The following TMEM117 variants were observed in gnomAD, a reference collection of about 807,000 sequenced individuals.
The protein encoded by TMEM117 is transmembrane protein 117.
In TMEM117, 27 loss-of-function variants were observed where a neutral mutation model predicts 52.4. The observed-to-expected ratio is 0.51, with a 90% CI of 0.38 to 0.71. TMEM117 has a LOEUF of 0.71. TMEM117 is among the 30% of genes least tolerant of loss of function. The pLI, the probability that TMEM117 is intolerant of heterozygous loss-of-function variation, is 0.00. For missense variants in TMEM117, 556 were observed against 630.5 expected (o/e 0.88, Z 1.26); for synonymous variants, 215 against 206.3 (o/e 1.04, Z -0.36).
intron 4 of TMEM117, among the ~76,000 whole-genome samples, chr12:44,165,826 AAATC>A (rs1292372478): frequency 6.6e-6 from 1 of 152,204 alleles, no homozygotes; most frequent in Non-Finnish European, 1.5e-5. Flanking sequence ...TCTAGACAGA[AAATC>A]AACAAAGAAA....
intron 2 of TMEM117, among the ~76,000 whole-genome samples, chr12:43,852,299 T>C (rs1039661150): frequency 5.9e-5 from 9 of 152,050 alleles, no homozygotes; most frequent in Non-Finnish European, 1.3e-4. Flanking sequence ...GGCGTGTTGG[T>C]GGGCGCCTGT....
At chr12:43,896,983 C>T (rs1463430949) in intron 2 of TMEM117, among the ~76,000 whole-genome samples, 3 of 152,170 alleles carry the variant, frequency 2.0e-5, no homozygotes, top group African/African-American at 7.2e-5. Flanking sequence ...ATCATATAAA[C>T]TTCGAGAGAA....
chr12:43,841,638 A>T (rs1258488523), intron 1 of TMEM117, among the ~76,000 whole-genome samples: 1 of 152,232 alleles, frequency 6.6e-6, no homozygotes, highest in Non-Finnish European at 1.5e-5. Flanking sequence ...AGTATGTGCT[A>T]GCCTCCAAAA....
upstream of TMEM117, among the ~76,000 whole-genome samples, chr12:43,835,457 T>C (rs1943011010): frequency 6.6e-6 from 1 of 152,000 alleles, no homozygotes; most frequent in Non-Finnish European, 1.5e-5. Flanking sequence ...TCTATGTGTG[T>C]ATGAATGTGT....
At chr12:44,130,230 A>C (rs1240346384) in intron 3 of TMEM117, among the ~76,000 whole-genome samples, 2 of 152,158 alleles carry the variant, frequency 1.3e-5, no homozygotes, top group Non-Finnish European at 2.9e-5. Context: ...GGTATATCTT[A>C]ATTATTGTGG....
intron 3 of TMEM117, among the ~76,000 whole-genome samples, chr12:44,007,575 C>T (rs6582495): frequency 6.6e-6 from 1 of 152,006 alleles, no homozygotes; most frequent in South Asian, 2.1e-4. Flanking sequence ...ACTTCTAGTG[C>T]ATGCCTGAAA....
Position 44,230,740 on chromosome 12 carries a change from T to C in TMEM117, c.608+19353T>C, listed in dbSNP as rs186015585. On this transcript the variant is annotated intron_variant, in intron 5 of 7. Coordinates refer to ENST00000266534, the MANE Select transcript of TMEM117 (RefSeq NM_032256.3). ...TAATAGAATCTCAAAGCTGATATTA[T>C]GCGTCTTTTTTCTTGGGCCTTTAGC... Among the ~76,000 whole-genome samples the C allele has an allele frequency of 2.6e-5, 4 of 152,176 alleles. No homozygotes were observed. In the East Asian group the frequency reaches 7.7e-4, roughly 29 times the overall value.
chr12:43,865,038 C>T (rs1675782), intron 2 of TMEM117, among the ~76,000 whole-genome samples: 109,712 of 151,924 alleles, frequency 0.72, 43,028 homozygotes, highest in East Asian at 0.93. Context: ...GGCAGCGAGA[C>T]TACGAACCCA....
chr12:43,832,150 T>C (rs1332168984), upstream of TMEM117, among the ~76,000 whole-genome samples: 1 of 152,216 alleles, frequency 6.6e-6, no homozygotes, highest in African/African-American at 2.4e-5. Flanking sequence ...CTTCTATCTG[T>C]ACCCTTTGAA....
intron 3 of TMEM117, among the ~76,000 whole-genome samples, chr12:44,091,769 A>G (rs1287745960): frequency 6.6e-6 from 1 of 152,194 alleles, no homozygotes; most frequent in African/African-American, 2.4e-5. Context: ...CCCAAGGGAA[A>G]CTGGAGTGTA....
At chr12:44,240,522 A>C (rs1950048715) in intron 5 of TMEM117, among the ~76,000 whole-genome samples, 1 of 152,064 alleles carries the variant, frequency 6.6e-6, no homozygotes, top group Non-Finnish European at 1.5e-5. Flanking sequence ...CTTATCTCCC[A>C]GTTACCCACG....
intron 5 of TMEM117, among the ~76,000 whole-genome samples, chr12:44,282,503 T>C (rs952208914): frequency 6.6e-6 from 1 of 152,160 alleles, no homozygotes; most frequent in African/African-American, 2.4e-5. Context: ...GTGACTCTTG[T>C]TATGTTTTAG....
At chr12:43,932,054 ATGTT>A (rs1389754086) in intron 2 of TMEM117, among the ~76,000 whole-genome samples, 2 of 152,054 alleles carry the variant, frequency 1.3e-5, no homozygotes, top group African/African-American at 4.8e-5. Context: ...ATGAAAATCT[ATGTT>A]TGTTGTGTTT....
chr12:43,881,904 C>A (rs572081208), intron 2 of TMEM117, among the ~76,000 whole-genome samples: 66 of 151,158 alleles, frequency 4.4e-4, no homozygotes, highest in African/African-American at 1.6e-3. Context: ...AACCCCATCT[C>A]TACTAAAAAT....
intron 2 of TMEM117, among the ~76,000 whole-genome samples, chr12:43,871,817 G>C (rs1316708498): frequency 6.6e-6 from 1 of 152,190 alleles, no homozygotes; most frequent in Non-Finnish European, 1.5e-5. Flanking sequence ...TTTGTTCACA[G>C]CACAGTACTA....
chr12:44,149,126 CAA>C (rs967157180), intron 4 of TMEM117, among the ~76,000 whole-genome samples: 1 of 152,086 alleles, frequency 6.6e-6, no homozygotes, highest in African/African-American at 2.4e-5. Flanking sequence ...GTGTAAATGG[CAA>C]AGAGTATAAA....
At chr12:44,169,788 G>T (rs994895003) in intron 4 of TMEM117, among the ~76,000 whole-genome samples, 1 of 152,068 alleles carries the variant, frequency 6.6e-6, no homozygotes, top group Non-Finnish European at 1.5e-5. Context: ...AAAAAGTCAG[G>T]AAACAACAGG....
chr12:43,877,109 A>G (rs929018557), intron 2 of TMEM117, among the ~76,000 whole-genome samples: 2 of 152,174 alleles, frequency 1.3e-5, no homozygotes, highest in Non-Finnish European at 2.9e-5. Context: ...CAGAGCTTCA[A>G]AGAATGTCCA....
intron 3 of TMEM117, among the ~76,000 whole-genome samples, chr12:44,053,922 TGTTA>T (rs1467089963): frequency 1.3e-5 from 2 of 152,224 alleles, no homozygotes; most frequent in Non-Finnish European, 2.9e-5. Flanking sequence ...GCAACATGAA[TGTTA>T]GTTCAGATGG....
Sources: gnomAD v4.1 joint callset for allele counts (sites outside exome capture counted in the v4.1 genomes callset) on GRCh38, gnomAD v4.1.1 for gene constraint, MANE v1.5 for transcripts, NCBI Gene and HGNC (gene_info 2026-07-23, HGNC 2026-07-21) for gene names.